The following NLGN1 variants were observed in gnomAD, a reference collection of about 807,000 sequenced individuals.
NLGN1 encodes neuroligin-1.
Under a neutral mutation model 65.5 loss-of-function variants are expected in NLGN1, and 12 were observed. The observed-to-expected ratio is 0.18, with a 90% CI of 0.12 to 0.30. The LOEUF is 0.30. Ranked by LOEUF, NLGN1 falls within the 10% of genes least tolerant of loss-of-function variation. The probability of loss-of-function intolerance (pLI) is 1.00; values close to 1 mark genes in which losing one functional copy is unlikely to be tolerated. For missense variants in NLGN1, 750 were observed against 1,007.1 expected, an observed-to-expected ratio of 0.74 and a Z score of 3.46; for synonymous variants, 350 against 359.5, an observed-to-expected ratio of 0.97 and a Z score of 0.30.
chr3:174,198,545 A>G lies in NLGN1; in HGVS notation c.647-76770A>G, dbSNP rs115013862. The stretch of plus-strand genomic sequence containing the variant: ...TGCCTGTACAAATATACAAATTTCT[A>G]TTTTTTCTGGCAGAATATGAGGATG... On this transcript the variant is annotated intron_variant, in intron 4 of 6. Transcript: ENST00000457714. Among the ~76,000 whole-genome samples, 881 of 152,180 alleles carry G rather than the reference A, an allele frequency of 5.8e-3. 22 individuals carry two copies. Among genetic ancestry groups the G allele is most frequent in the East Asian group, 0.029 (149 of 5,180 alleles).
intron 4 of NLGN1, among the ~76,000 whole-genome samples, chr3:174,257,369 G>A (rs1159859209): frequency 2.0e-5 from 3 of 152,092 alleles, no homozygotes; most frequent in African/African-American, 7.2e-5. Flanking sequence ...AAACCTAGAG[G>A]CAGAAATACC....
chr3:173,966,738 A>C (rs1714958028), intron 4 of NLGN1, among the ~76,000 whole-genome samples: 1 of 152,228 alleles, frequency 6.6e-6, no homozygotes, highest in Admixed American at 6.5e-5. Flanking sequence ...TAATATAAAA[A>C]TAGACAAAAT....
At chr3:173,831,300 T>C (rs1438199473) in intron 4 of NLGN1, among the ~76,000 whole-genome samples, 1 of 152,172 alleles carries the variant, frequency 6.6e-6, no homozygotes, top group Non-Finnish European at 1.5e-5. Context: ...AAAAGGTATA[T>C]ATCAACCACA....
At chr3:173,786,365 G>T (rs1437651889) in intron 3 of NLGN1, among the ~76,000 whole-genome samples, 1 of 151,828 alleles carries the variant, frequency 6.6e-6, no homozygotes, top group Non-Finnish European at 1.5e-5. Context: ...CTGTGATCTT[G>T]TTCTCATATG....
chr3:173,557,364 A>G (rs1577259640), intron 2 of NLGN1, among the ~76,000 whole-genome samples: 2 of 152,056 alleles, frequency 1.3e-5, no homozygotes, highest in East Asian at 3.8e-4. Flanking sequence ...TGTGTCTCTT[A>G]TGCACAGCGT....
chr3:173,700,734 A>G (rs1314943322), intron 3 of NLGN1, among the ~76,000 whole-genome samples: 1 of 152,200 alleles, frequency 6.6e-6, no homozygotes, highest in Non-Finnish European at 1.5e-5. Flanking sequence ...TATAACTGAT[A>G]TATGGTAGGG....
intron 2 of NLGN1, among the ~76,000 whole-genome samples, chr3:173,562,964 C>T (rs747251402): frequency 2.0e-4 from 31 of 152,130 alleles, no homozygotes; most frequent in Non-Finnish European, 4.1e-4. Context: ...CTATTTATCT[C>T]ACCAAAACTC....
intron 4 of NLGN1, among the ~76,000 whole-genome samples, chr3:173,854,181 C>A (rs1167830600): frequency 1.3e-5 from 2 of 151,932 alleles, no homozygotes; most frequent in African/African-American, 4.8e-5. Flanking sequence ...ATCCATAATT[C>A]AAATACCCAT....
intron 3 of NLGN1, among the ~76,000 whole-genome samples, chr3:173,805,802 G>C (rs1716507617): frequency 6.6e-6 from 1 of 152,120 alleles, no homozygotes; most frequent in Admixed American, 6.6e-5. Context: ...AGCCACACTA[G>C]AAAAATAAGA....
At chr3:173,615,958 A>G (rs1470197808) in intron 3 of NLGN1, among the ~76,000 whole-genome samples, 13 of 152,068 alleles carry the variant, frequency 8.5e-5, no homozygotes, top group Non-Finnish European at 1.3e-4. Context: ...ACTGAGATAA[A>G]AAAAGGCATT....
intron 4 of NLGN1, among the ~76,000 whole-genome samples, chr3:174,196,677 T>A (rs2152767878): frequency 6.6e-6 from 1 of 152,314 alleles, no homozygotes; most frequent in South Asian, 2.1e-4. Context: ...ATTTCTAGAT[T>A]TGTTTTCTAT....
At chr3:174,110,285 A>G (rs1054971659) in intron 4 of NLGN1, among the ~76,000 whole-genome samples, 2 of 151,710 alleles carry the variant, frequency 1.3e-5, no homozygotes, top group Non-Finnish European at 2.9e-5. Flanking sequence ...CCACATCTCC[A>G]CCTCTCAAAT....
intron 3 of NLGN1, among the ~76,000 whole-genome samples, chr3:173,631,334 G>A (rs951053612): frequency 1.3e-5 from 2 of 151,690 alleles, no homozygotes; most frequent in Non-Finnish European, 2.9e-5. Context: ...CTCTTTAAGG[G>A]TTGACTTTCC....
chr3:173,579,148 T>G (rs1253752260), intron 2 of NLGN1, among the ~76,000 whole-genome samples: 1 of 152,210 alleles, frequency 6.6e-6, no homozygotes, highest in Non-Finnish European at 1.5e-5. Context: ...CCAACATTGA[T>G]GAAAAAGCCC....
At chr3:173,939,685 GA>G (rs1045815947) in intron 4 of NLGN1, among the ~76,000 whole-genome samples, 2 of 151,940 alleles carry the variant, frequency 1.3e-5, no homozygotes, top group Non-Finnish European at 2.9e-5. Flanking sequence ...TATTAAAAAT[GA>G]AAAAAATCAT....
intron 2 of NLGN1, among the ~76,000 whole-genome samples, chr3:173,498,335 G>A (rs1348752653): frequency 6.6e-6 from 1 of 151,552 alleles, no homozygotes; most frequent in Non-Finnish European, 1.5e-5. Flanking sequence ...ATAGTTTGCT[G>A]AGAATGATGG....
intron 4 of NLGN1, among the ~76,000 whole-genome samples, chr3:174,144,453 A>G (rs1722838299): frequency 6.6e-6 from 1 of 152,136 alleles, no homozygotes; most frequent in Admixed American, 6.5e-5. Flanking sequence ...GCTGGGTCAA[A>G]TGGTATTTCT....
At chr3:173,766,901 T>C (rs1778862324) in intron 3 of NLGN1, among the ~76,000 whole-genome samples, 1 of 152,200 alleles carries the variant, frequency 6.6e-6, no homozygotes, top group South Asian at 2.1e-4. Flanking sequence ...ATATGCAAAA[T>C]GATTATTACA....
chr3:174,053,393 C>A lies in NLGN1; in HGVS notation c.647-221922C>A, dbSNP rs187861111. Among the ~76,000 whole-genome samples, 482 of 152,082 alleles carry A rather than the reference C, an allele frequency of 3.2e-3. 2 individuals carry two copies. The highest frequency in any genetic ancestry group is 0.01 in the African/African-American group (423 of 41,518). On this transcript the variant is annotated intron_variant, in intron 4 of 6. Transcript: ENST00000457714. ...TGTATGCTTCTGGTGGTCTTGTAAA[C>A]ACAATTTTATTAACTACAAATGTAC...
Sources: gnomAD v4.1 joint callset for allele counts (sites outside exome capture counted in the v4.1 genomes callset) on GRCh38, gnomAD v4.1.1 for gene constraint, MANE v1.5 for transcripts, NCBI Gene and HGNC (gene_info 2026-07-23, HGNC 2026-07-21) for gene names.